FIG4: variants seen among roughly 807,000 people sequenced by gnomAD.
FIG4 encodes the protein polyphosphoinositide phosphatase.
Under a neutral mutation model 118.6 loss-of-function variants are expected in FIG4, and 112 were observed. The observed-to-expected ratio is 0.94, with a 90% CI of 0.81 to 1.11. FIG4 has a LOEUF of 1.11. Among genes scored for constraint, FIG4 ranks in the 50% least tolerant of loss-of-function variants. The probability of loss-of-function intolerance (pLI) is 0.00; values close to 1 mark genes in which losing one functional copy is unlikely to be tolerated. For synonymous variants in FIG4, 369 were observed against 381.2 expected, an observed-to-expected ratio of 0.97 and a Z score of 0.37; for missense variants, 969 against 1,111.7, an observed-to-expected ratio of 0.87 and a Z score of 1.83.
intron 1 of FIG4, among the ~76,000 whole-genome samples, chr6:109,712,497 C>T (rs958087701): frequency 1.3e-5 from 2 of 152,124 alleles, no homozygotes; most frequent in African/African-American, 2.4e-5. Context: ...AGCCAGTCTT[C>T]AAGCTCTGAG....
chr6:109,747,398 A>G (rs1233283681), intron 10 of FIG4, among the ~76,000 whole-genome samples: 2 of 152,106 alleles, frequency 1.3e-5, no homozygotes, highest in Non-Finnish European at 2.9e-5. Flanking sequence ...TAGGAAGAAA[A>G]CCAGGAAGTG....
At chr6:109,777,120 T>A in intron 16 of FIG4, 60 bp downstream of exon 16, 2 of 1,427,064 alleles carry the variant, frequency 1.4e-6, no homozygotes, top group Non-Finnish European at 9.8e-7. Context: ...GAATATGAGA[T>A]ACTTTTCATT....
intron 8 of FIG4, among the ~76,000 whole-genome samples, chr6:109,741,970 T>G (rs1776338267): frequency 6.6e-6 from 1 of 152,064 alleles, no homozygotes; most frequent in African/African-American, 2.4e-5. Context: ...ATTGGTTGAC[T>G]CTGTGGAGGG....
intron 5 of FIG4, among the ~76,000 whole-genome samples, chr6:109,733,059 G>C (rs1387051944): frequency 6.6e-6 from 1 of 152,002 alleles, no homozygotes; most frequent in South Asian, 2.1e-4. Context: ...GCAAAATTGG[G>C]TAAAAACAAA....
chr6:109,733,690 T>C (rs1165159885), intron 5 of FIG4, among the ~76,000 whole-genome samples: 4 of 152,038 alleles, frequency 2.6e-5, no homozygotes, highest in African/African-American at 9.7e-5. Context: ...CCTAAAGAAA[T>C]AGTTTTTACT....
rs753412030 is a variant in FIG4, at chr6:109,732,617, CTTTG to C, written c.447-16_447-13del. ...AATAGTATTGGACAAATGAAATGTA[CTTTG>C]TTTTTTTTTTTTTAGGTATCTACGA... On this transcript the variant is annotated splice_polypyrimidine_tract_variant and intron_variant, in intron 4 of 22. Coordinates refer to ENST00000230124, the MANE Select transcript of FIG4 (RefSeq NM_014845.6). The C allele has an allele frequency of 3.9e-6, 4 of 1,033,648 alleles. No homozygotes were observed. Among genetic ancestry groups the C allele is most frequent in the Admixed American group, 2.0e-5 (1 of 49,564 alleles). The allele number at this position is 1,033,648 out of a possible 1,614,324, so 64.0% of individuals were successfully genotyped here. A position where few individuals can be genotyped will look rare whatever the true frequency, so the allele number is the denominator to read the frequency against.
At chr6:109,756,506 C>A (rs1264684952) in intron 10 of FIG4, among the ~76,000 whole-genome samples, 1 of 152,118 alleles carries the variant, frequency 6.6e-6, no homozygotes, top group Non-Finnish European at 1.5e-5. Flanking sequence ...TGGGGAAGTT[C>A]TCCTGGATAA....
rs1461623077 is a variant in FIG4, at chr6:109,825,172, A to G, written c.2631A>G (p.Gln877=). ...RVDRKSTEIF[Q]AHIQASQGIM... is the part of the protein sequence containing the mutation. ...ACAGAAAATCTACAGAGATCTTCCA[A>G]GCCCACATCCAGGCCAGCCAAGGTA... The change falls in exon 23 of 23, where the codon CAA becomes CAG. Residue 877 remains glutamine (Q), a synonymous_variant. Coordinates refer to ENST00000230124, the MANE Select transcript of FIG4 (RefSeq NM_014845.6). The G allele has an allele frequency of 3.1e-6, 5 of 1,614,088 alleles. No individual in the cohort carries two copies. The highest frequency in any genetic ancestry group is 1.3e-5 in the African/African-American group (1 of 75,058).
intron 10 of FIG4, among the ~76,000 whole-genome samples, chr6:109,750,378 A>G (rs570224105): frequency 2.6e-5 from 4 of 152,314 alleles, no homozygotes; most frequent in East Asian, 3.9e-4. Context: ...GCTCATGCCT[A>G]TAATCCCAGT....
At chr6:109,776,269 T>C (rs1188131510) in intron 15 of FIG4, among the ~76,000 whole-genome samples, 1 of 152,210 alleles carries the variant, frequency 6.6e-6, no homozygotes, top group Non-Finnish European at 1.5e-5. Context: ...GTTTAAAAGG[T>C]AATTTTGGAA....
At chr6:109,754,439 A>G (rs973709983) in intron 10 of FIG4, among the ~76,000 whole-genome samples, 3 of 152,194 alleles carry the variant, frequency 2.0e-5, no homozygotes, top group Non-Finnish European at 4.4e-5. Flanking sequence ...TGGTATCAGG[A>G]TGATGCTGGC....
intron 3 of FIG4, among the ~76,000 whole-genome samples, chr6:109,718,296 C>A (rs1487844809): frequency 6.6e-6 from 1 of 152,150 alleles, no homozygotes; most frequent in Non-Finnish European, 1.5e-5. Flanking sequence ...CCACCAGGCC[C>A]CATCTCCAAC....
intron 13 of FIG4, among the ~76,000 whole-genome samples, chr6:109,764,312 C>T (rs913197804): frequency 6.6e-6 from 1 of 152,118 alleles, no homozygotes; most frequent in Non-Finnish European, 1.5e-5. Flanking sequence ...GTGGCATGCA[C>T]CTCTAGTCCC....
At chr6:109,769,373 G>T (rs1195956335) in intron 15 of FIG4, among the ~76,000 whole-genome samples, 1 of 152,128 alleles carries the variant, frequency 6.6e-6, no homozygotes, top group East Asian at 1.9e-4. Context: ...GCAAAATTAT[G>T]CACAACTGAA....
Position 109,748,464 on chromosome 6 carries a change from A to C in FIG4, c.1137+4692A>C, listed in dbSNP as rs114747241. 5.3e-3 allele frequency among the ~76,000 whole-genome samples: 803 copies of C among 152,258 alleles called. 9 individuals are homozygous for C. The highest frequency in any genetic ancestry group is 0.019 in the African/African-American group (776 of 41,558). On this transcript the variant is annotated intron_variant, in intron 10 of 22. Coordinates refer to ENST00000230124, the MANE Select transcript of FIG4 (RefSeq NM_014845.6). ...AGTCCTCACGAGGTGGGGTATTTAAAGCAAGCAGTGTGGAAATAAAAGAGG... is the reference window on the plus strand; with the variant it reads ...AGTCCTCACGAGGTGGGGTATTTAACGCAAGCAGTGTGGAAATAAAAGAGG...
intron 22 of FIG4, among the ~76,000 whole-genome samples, chr6:109,807,073 T>C (rs1050632683): frequency 6.6e-6 from 1 of 152,254 alleles, no homozygotes; most frequent in Non-Finnish European, 1.5e-5. Flanking sequence ...TAAACATATG[T>C]GTGCATGTGT....
chr6:109,738,258 AC>A (rs1776218869), intron 6 of FIG4, 66 bp from the exon 7 acceptor site: 3 of 1,369,078 alleles, frequency 2.2e-6, no homozygotes, highest in South Asian at 2.4e-5. Context: ...TCTGATACCA[AC>A]CTTTTTTTTA....
chr6:109,724,708 C>A (rs1775737804), intron 3 of FIG4, among the ~76,000 whole-genome samples: 1 of 152,044 alleles, frequency 6.6e-6, no homozygotes, highest in Middle Eastern at 3.4e-3. Context: ...TCTTAAGATG[C>A]ATTCTTATGT....
chr6:109,751,951 T>C (rs1055520002), intron 10 of FIG4, among the ~76,000 whole-genome samples: 1 of 150,258 alleles, frequency 6.7e-6, no homozygotes, highest in Non-Finnish European at 1.5e-5. Context: ...ACTCGTCGTT[T>C]AGCATTAGGT....
Sources: allele counts gnomAD v4.1 joint callset (sites outside exome capture counted in the v4.1 genomes callset), GRCh38; gene constraint gnomAD v4.1.1; transcripts MANE v1.5; gene names NCBI Gene and HGNC (gene_info 2026-07-23, HGNC 2026-07-21).